SIN3B: variants seen among roughly 807,000 people sequenced by gnomAD.
SIN3B encodes SIN3 transcription regulator family member B.
In SIN3B, 19 loss-of-function variants were observed where a neutral mutation model predicts 120.2. That is an observed-to-expected ratio of 0.16 (90% CI 0.11 to 0.23). The LOEUF is 0.23. SIN3B is among the 10% of genes least tolerant of loss of function. SIN3B has a pLI of 1.00. For missense variants in SIN3B, 1,073 were observed against 1,573.0 expected, an observed-to-expected ratio of 0.68 and a Z score of 5.38; for synonymous variants, 654 against 653.2, an observed-to-expected ratio of 1.00 and a Z score of -0.02.
intron 5 of SIN3B, among the ~76,000 whole-genome samples, chr19:16,849,401 A>T (rs1971517163): frequency 6.6e-6 from 1 of 152,172 alleles, no homozygotes; most frequent in Non-Finnish European, 1.5e-5. Context: ...ATAACACTTT[A>T]TTTACAAAAT....
At chr19:16,830,104 G>A (rs1411013941) in intron 2 of SIN3B, among the ~76,000 whole-genome samples, 1 of 152,234 alleles carries the variant, frequency 6.6e-6, no homozygotes, top group Non-Finnish European at 1.5e-5. Context: ...ATTCCTGGAA[G>A]CAGGACAGGG....
chr19:16,874,879 CTGGTCTGGTCTGGTTT>C (rs1233976224), intron 14 of SIN3B, among the ~76,000 whole-genome samples: 1 of 144,498 alleles, frequency 6.9e-6, no homozygotes, highest in East Asian at 2.1e-4. Context: ...CTGGTCTAGT[CTGGTCTGGTCTGGTTT>C]TGGTCTGGTC....
intron 4 of SIN3B, among the ~76,000 whole-genome samples, chr19:16,843,004 C>A (rs768960846): frequency 6.6e-6 from 1 of 152,128 alleles, no homozygotes; most frequent in Non-Finnish European, 1.5e-5. Flanking sequence ...GGGCTGGTGG[C>A]GAGGGACATC....
intron 4 of SIN3B, among the ~76,000 whole-genome samples, chr19:16,842,970 G>T (rs1455031878): frequency 6.6e-6 from 1 of 152,250 alleles, no homozygotes; most frequent in Non-Finnish European, 1.5e-5. Context: ...CAGGGCGTCT[G>T]CAGGGGACTT....
intron 3 of SIN3B, among the ~76,000 whole-genome samples, chr19:16,841,151 G>T (rs144909406): frequency 1.3e-5 from 2 of 151,912 alleles, no homozygotes; most frequent in Non-Finnish European, 2.9e-5. Context: ...TGCTCATATC[G>T]GCTGAAAAGT....
At chr19:16,848,138 T>C (rs954166953) in intron 5 of SIN3B, among the ~76,000 whole-genome samples, 2 of 152,232 alleles carry the variant, frequency 1.3e-5, no homozygotes, top group African/African-American at 4.8e-5. Flanking sequence ...CCACATTCTG[T>C]TTATCCGTAT....
intron 13 of SIN3B, 41 bp downstream of exon 13, chr19:16,870,116 T>A (rs1568425405): frequency 6.6e-7 from 1 of 1,513,982 alleles, no homozygotes; most frequent in Non-Finnish European, 8.8e-7. Flanking sequence ...GGGGGGTGCC[T>A]GGGGTTAGGG....
At chr19:16,830,252 G>A (rs888585986) in intron 2 of SIN3B, among the ~76,000 whole-genome samples, 1 of 152,078 alleles carries the variant, frequency 6.6e-6, no homozygotes, top group African/African-American at 2.4e-5. Flanking sequence ...ATTTTCAAGC[G>A]CTGTAAAATG....
In SIN3B at chr19:16,878,531, A is replaced by C; in HGVS notation, c.3197A>C (p.His1066Pro). The C allele has an allele frequency of 6.3e-7, 1 of 1,595,068 alleles. No homozygotes were observed. The highest frequency in any genetic ancestry group is 8.5e-7 in the Non-Finnish European group (1 of 1,171,314). ...QPLVLLRHHQHFEEWHSRWLE... is the reference protein window; with the variant it reads ...QPLVLLRHHQPFEEWHSRWLE... ...CTGGTCCTGCTCCGCCACCACCAGC[A>C]CTTTGAGGAGTGGCACAGCCGCTGG... Residue 1066 changes from histidine to proline, a missense_variant, in exon 19 of 19, where the codon CAC becomes CCC. By Grantham distance (77) the His-to-Pro change is moderately conservative. Coordinates refer to ENST00000248054, the MANE Select transcript of SIN3B (RefSeq NM_001297595.2).
Position 16,876,247 on chromosome 19 carries a change from C to G in SIN3B, c.2766+19C>G. 1 of 1,600,490 alleles carries G rather than the reference C, an allele frequency of 6.2e-7. No homozygotes were observed. Among genetic ancestry groups the G allele is most frequent in the Non-Finnish European group, 8.5e-7 (1 of 1,171,124 alleles). ...CTTCAAGGTGAGAGGAGGCCTGGGG[C>G]TGGGAACACGCCGGGAGGCCCGGCC... is the stretch of plus-strand genomic sequence containing the variant. On this transcript the variant is annotated intron_variant, in intron 15 of 18. Transcript: ENST00000248054. The surrounding 1 kb of genome is among the most constrained non-coding windows in gnomAD (Gnocchi z 7.1).
chr19:16,862,576 C>A lies in SIN3B; in HGVS notation c.1266+17C>A, dbSNP rs1389108749. 4 of 1,604,814 alleles carry A rather than the reference C, an allele frequency of 2.5e-6. No homozygotes were observed. Among genetic ancestry groups the A allele is most frequent in the Non-Finnish European group, 3.4e-6 (4 of 1,175,784 alleles). On this transcript the variant is annotated intron_variant, in intron 9 of 18. Coordinates refer to ENST00000248054, the MANE Select transcript of SIN3B (RefSeq NM_001297595.2). This position sits in a 1 kb window ranked among gnomAD's most constrained non-coding sequence, Gnocchi z 4.7. The stretch of plus-strand genomic sequence containing the variant: ...TGCAAGGAGGTAGCGCTCCCTGGGG[C>A]TCAAATGTTCGTTGACATGGTGCAT...
At chr19:16,847,238 C>A in intron 5 of SIN3B, 125 bp downstream of exon 5, 1 of 1,070,762 alleles carries the variant, frequency 9.3e-7, no homozygotes, top group Non-Finnish European at 1.3e-6. Flanking sequence ...CCCCCAGAAG[C>A]TACGCAGGTT....
At chr19:16,843,437 G>T (rs1166195346) in intron 4 of SIN3B, among the ~76,000 whole-genome samples, 3 of 152,240 alleles carry the variant, frequency 2.0e-5, no homozygotes, top group African/African-American at 7.2e-5. Flanking sequence ...CTTAGCATCT[G>T]TGAGAGGCTG....
In SIN3B at chr19:16,842,417, T is replaced by C. The variant is rs1277819589; in HGVS notation, c.582+449T>C. Among the ~76,000 whole-genome samples, 8 of 150,432 alleles carry C rather than the reference T, an allele frequency of 5.3e-5. No homozygotes were observed. In the East Asian group the frequency reaches 1.4e-3, roughly 26 times the overall value. On this transcript the variant is annotated intron_variant, in intron 4 of 18. Transcript: ENST00000248054. ...CGTGCCCAGCCACCTTTTTTTTTTT[T>C]TTTTTTTGAGACAGGGTCTTGCTCT...
At chr19:16,838,479 G>A (rs953788651) in intron 3 of SIN3B, among the ~76,000 whole-genome samples, 4 of 152,042 alleles carry the variant, frequency 2.6e-5, no homozygotes, top group African/African-American at 7.3e-5. Context: ...CGTGTTTTCC[G>A]GGGTCATTCA....
intron 16 of SIN3B, 191 bp from the exon 17 acceptor site, chr19:16,877,354 G>T: frequency 1.2e-5 from 7 of 578,438 alleles, no homozygotes; most frequent in Non-Finnish European, 2.2e-5. Context: ...CGCTGTCACT[G>T]GGTCCTCTGT....
chr19:16,875,774 TTGGTCTGGTC>T (rs546838576), intron 14 of SIN3B, among the ~76,000 whole-genome samples: 32 of 147,986 alleles, frequency 2.2e-4, no homozygotes, highest in Non-Finnish European at 3.1e-4. Context: ...TCTGGTCTGT[TTGGTCTGGTC>T]TGGTCTGGTC....
intron 8 of SIN3B, 126 bp downstream of exon 8, chr19:16,854,387 G>T (rs987263307): frequency 1.6e-6 from 1 of 638,202 alleles, no homozygotes; most frequent in Non-Finnish European, 2.7e-6. Flanking sequence ...ATTAATTGAC[G>T]TGATTGATAT....
In SIN3B at chr19:16,877,590, T is replaced by C; in HGVS notation, c.2905T>C (p.Ser969Pro). The C allele has an allele frequency of 2.5e-6, 4 of 1,612,474 alleles. No homozygotes were observed. The highest frequency in any genetic ancestry group is 2.5e-6 in the Non-Finnish European group (3 of 1,179,654). Residue 969 changes from serine to proline, a missense_variant, in exon 17 of 19, where the codon TCC (serine) becomes CCC (proline). Physicochemically the swap from Ser to Pro is moderately conservative, Grantham distance 74 (BLOSUM62 -1). Transcript: ENST00000248054. ...GCAGTATGTGGGGACCGAGGGCGCG[T>C]CCAGCTCGCCCACTGAGGGCTTCCT... ...VEQYVGTEGA[S>P]SSPTEGFLLK... is the part of the protein sequence containing the mutation.
Sources: allele counts gnomAD v4.1 joint callset (sites outside exome capture counted in the v4.1 genomes callset), GRCh38; gene constraint gnomAD v4.1.1; non-coding constraint Gnocchi (gnomAD v3.1); transcripts MANE v1.5; gene names NCBI Gene and HGNC (gene_info 2026-07-23, HGNC 2026-07-21).